SNAP23: variants seen among roughly 807,000 people sequenced by gnomAD.
SNAP23 encodes the protein synaptosomal-associated protein 23.
SNAP23 carries 11 observed loss-of-function variants against 29.0 expected under a neutral mutation model. That is an observed-to-expected ratio of 0.38 (90% CI 0.24 to 0.63). The LOEUF is 0.63. Ranked by LOEUF, SNAP23 falls within the 20% of genes least tolerant of loss-of-function variation. The pLI is 0.58. For synonymous variants in SNAP23, 60 were observed against 82.9 expected (o/e 0.72, Z 1.50); for missense variants, 220 against 253.9 (o/e 0.87, Z 0.91).
At chr15:42,495,202 C>G (rs570678977), upstream of SNAP23, 1 of 152,230 alleles carries the variant, frequency 6.6e-6, no homozygotes, top group Non-Finnish European at 1.5e-5. Context: ...AAGTCACTTC[C>G]TCCGGGAACC....
At chr15:42,512,593 G>C (rs944329060) in intron 2 of SNAP23, among the ~76,000 whole-genome samples, 1 of 151,902 alleles carries the variant, frequency 6.6e-6, no homozygotes, top group South Asian at 2.1e-4. Flanking sequence ...TGGGCAGGCT[G>C]GTCTCAAACT....
rs2057524255 is a variant in SNAP23 at position 42,528,254 on chromosome 15, T to C, written c.267-8T>C. 1 of 1,613,312 alleles carries C rather than the reference T, an allele frequency of 6.2e-7. No individual in the cohort carries two copies. Among genetic ancestry groups the C allele is most frequent in the Non-Finnish European group, 8.5e-7 (1 of 1,179,460 alleles). On this transcript the variant is annotated splice_polypyrimidine_tract_variant and splice_region_variant and intron_variant, in intron 5 of 7. Coordinates refer to ENST00000249647, the MANE Select transcript of SNAP23 (RefSeq NM_003825.4). ...TGGTATCTCCCTACACTCCTGACTC[T>C]TATATAGAACAAAGAACTTTGAGTC...
At chr15:42,514,339 A>C (rs1436469318) in intron 4 of SNAP23, among the ~76,000 whole-genome samples, 1 of 151,568 alleles carries the variant, frequency 6.6e-6, no homozygotes, top group African/African-American at 2.4e-5. Context: ...ATAGGGTTTC[A>C]CCATGTTGGC....
At chr15:42,502,948 T>G (rs966481644) in intron 1 of SNAP23, among the ~76,000 whole-genome samples, 2 of 152,168 alleles carry the variant, frequency 1.3e-5, no homozygotes, top group African/African-American at 4.8e-5. Flanking sequence ...TCTGTAAAAC[T>G]GAAGTTTAAT....
intron 5 of SNAP23, among the ~76,000 whole-genome samples, chr15:42,527,103 G>A (rs1478029085): frequency 6.6e-6 from 1 of 152,130 alleles, no homozygotes; most frequent in Admixed American, 6.6e-5. Context: ...CTCCCAAAGT[G>A]CTGGGATTAC....
chr15:42,528,550 T>C (rs2057529485), intron 6 of SNAP23, 130 bp downstream of exon 6: 1 of 928,362 alleles, frequency 1.1e-6, no homozygotes, highest in African/African-American at 1.7e-5. Context: ...AAAATGCATT[T>C]AAAAATCTGC....
intron 5 of SNAP23, among the ~76,000 whole-genome samples, chr15:42,526,109 C>T (rs1239584438): frequency 3.9e-5 from 6 of 152,078 alleles, no homozygotes; most frequent in South Asian, 2.1e-4. Context: ...TTCCACAATC[C>T]GAAATTCTAA....
intron 1 of SNAP23, 50 bp from the exon 2 acceptor site, chr15:42,511,783 A>G: frequency 2.7e-6 from 3 of 1,124,232 alleles, no homozygotes; most frequent in Non-Finnish European, 3.8e-6. Context: ...AAACTTTTAT[A>G]TATCCTTATT....
intron 2 of SNAP23, 142 bp from the exon 3 acceptor site, chr15:42,512,813 G>C (rs1218581576): frequency 4.7e-6 from 3 of 632,728 alleles, no homozygotes; most frequent in African/African-American, 3.7e-5. Context: ...GCCTCCCAAA[G>C]TGCTGGGATT....
chr15:42,495,596 G>T (rs956772341), upstream of SNAP23: 1 of 152,288 alleles, frequency 6.6e-6, no homozygotes, highest in South Asian at 2.1e-4. Flanking sequence ...TGTCCGCGGC[G>T]AACGGGAAGT....
At chr15:42,507,419 A>G (rs1288356577) in intron 1 of SNAP23, among the ~76,000 whole-genome samples, 1 of 152,210 alleles carries the variant, frequency 6.6e-6, no homozygotes, top group African/African-American at 2.4e-5. Context: ...AGCATGAGAA[A>G]TAGGGTGTAA....
chr15:42,528,452 T>A, intron 6 of SNAP23, 32 bp downstream of exon 6: 1 of 1,600,586 alleles, frequency 6.2e-7, no homozygotes, highest in Non-Finnish European at 8.6e-7. Context: ...TTCCTGTACC[T>A]TTCTTAATGA....
chr15:42,523,539 C>G (rs1350726654), intron 5 of SNAP23, among the ~76,000 whole-genome samples: 1 of 152,194 alleles, frequency 6.6e-6, no homozygotes, highest in Non-Finnish European at 1.5e-5. Context: ...CAGGCATGAA[C>G]TGTTGACTAA....
intron 1 of SNAP23, among the ~76,000 whole-genome samples, chr15:42,509,826 T>C (rs2057346394): frequency 6.6e-6 from 1 of 152,154 alleles, no homozygotes; most frequent in South Asian, 2.1e-4. Flanking sequence ...CTGGGCACTT[T>C]GGGAGGCTGA....
At chr15:42,501,505 T>C (rs2057270056) in intron 1 of SNAP23, among the ~76,000 whole-genome samples, 1 of 152,050 alleles carries the variant, frequency 6.6e-6, no homozygotes, top group Admixed American at 6.6e-5. Context: ...GCTCAAGTGA[T>C]CCCCCTGCTT....
chr15:42,511,739 C>T, intron 1 of SNAP23, 94 bp from the exon 2 acceptor site: 1 of 605,144 alleles, frequency 1.7e-6, no homozygotes, highest in South Asian at 3.3e-5. Flanking sequence ...TGATAAGTTC[C>T]TAAATTCCAT....
chr15:42,519,061 T>TC (rs1273114616), intron 5 of SNAP23, among the ~76,000 whole-genome samples: 1 of 150,796 alleles, frequency 6.6e-6, no homozygotes, highest in Admixed American at 6.6e-5. Context: ...TCTTCTTTTT[T>TC]TTTTTTTTTT....
Position 42,532,897 on chromosome 15 carries a change from C to T in SNAP23, c.*1419C>T, listed in dbSNP as rs1490953190. On this transcript the variant is annotated 3_prime_UTR_variant, in exon 8 of 8. Transcript: ENST00000249647. ...TTACCCTTGTGTATTGAACTATGTC[C>T]ATAATCAAGTTGATGTGGATCCTGA... The T allele has an allele frequency of 1.3e-5, 2 of 152,588 alleles. No individual in the cohort carries two copies. Among genetic ancestry groups the T allele is most frequent in the African/African-American group, 2.4e-5 (1 of 41,428 alleles). 9.5% of individuals were successfully genotyped at this position (152,588 alleles called of 1,614,324 possible).
intron 5 of SNAP23, chr15:42,521,923 A>T: frequency 2.8e-6 from 1 of 354,190 alleles, no homozygotes; most frequent in Non-Finnish European, 5.0e-6. Flanking sequence ...AACATTTAAG[A>T]TTACCAAAAT....
Sources: gnomAD v4.1 joint callset for allele counts (sites outside exome capture counted in the v4.1 genomes callset) on GRCh38, gnomAD v4.1.1 for gene constraint, MANE v1.5 for transcripts, NCBI Gene and HGNC (gene_info 2026-07-23, HGNC 2026-07-21) for gene names.